The following DOT1L variants were observed in gnomAD, a reference collection of about 807,000 sequenced individuals.
The protein encoded by DOT1L is DOT1 like histone lysine methyltransferase, also known as histone-lysine N-methyltransferase, H3 lysine-79 specific.
A neutral mutation model predicts 153.3 loss-of-function variants in DOT1L; 33 were observed. The observed-to-expected ratio is 0.22, with a 90% CI of 0.16 to 0.29. The LOEUF (loss-of-function observed/expected upper bound fraction) is 0.29, where lower values mean the gene tolerates loss of function less well. Ranked by LOEUF, DOT1L falls within the 10% of genes least tolerant of loss-of-function variation. DOT1L has a pLI of 1.00. For synonymous variants in DOT1L, 1,135 were observed against 965.1 expected, an observed-to-expected ratio of 1.18 and a Z score of -3.26; for missense variants, 1,847 against 2,119.9, an observed-to-expected ratio of 0.87 and a Z score of 2.53.
intron 24 of DOT1L, 99 bp from the exon 25 acceptor site, chr19:2,223,182 C>A: frequency 7.4e-7 from 1 of 1,349,740 alleles, no homozygotes; most frequent in Non-Finnish European, 1.0e-6. Context: ...CTCAGGAGAC[C>A]CTGGGGTGCA....
In DOT1L at chr19:2,194,515, A is replaced by G. The variant is rs1218275111; in HGVS notation, c.589A>G (p.Thr197Ala). 1.2e-6 allele frequency: 2 copies of G among 1,613,786 alleles called. No individual in the cohort carries two copies. Among genetic ancestry groups the G allele is most frequent in the African/African-American group, 2.7e-5 (2 of 74,902 alleles). The change falls in exon 7 of 28, where the codon ACC becomes GCC. Residue 197 changes from threonine (T) to alanine (A), a missense_variant and splice_region_variant. Physicochemically the swap from Thr to Ala is moderately conservative, Grantham distance 58. Transcript: ENST00000398665. ...GGGCGTTTGGTTTCTTTCCTTCCAGACCATGGACCGCGAGTTCAGGAAGTG... is the reference window on the plus strand; with the variant it reads ...GGGCGTTTGGTTTCTTTCCTTCCAGGCCATGGACCGCGAGTTCAGGAAGTG... ...KADIPAKYAE[T>A]MDREFRKWMK...
rs941919242 is a variant in DOT1L at position 2,230,170 on chromosome 19, G to A, written c.*378G>A. ...CCACAGCCTGCCCCGGTGCTATCTC[G>A]TCCCCAGGCCCGCGCCTGCCTCCAC... is the stretch of plus-strand genomic sequence containing the variant. On this transcript the variant is annotated 3_prime_UTR_variant, in exon 28 of 28. Coordinates refer to ENST00000398665, the MANE Select transcript of DOT1L (RefSeq NM_032482.3). 19 of 485,492 alleles carry A rather than the reference G, an allele frequency of 3.9e-5. No homozygotes were observed. The highest frequency in any genetic ancestry group is 5.4e-5 in the Non-Finnish European group (15 of 278,066). 30.1% of individuals were successfully genotyped at this position (485,492 alleles called of 1,614,324 possible).
chr19:2,165,790 ACGGAGT>A lies in DOT1L; in HGVS notation c.81+1527_81+1532del, dbSNP rs764142127. Among the ~76,000 whole-genome samples the A allele has an allele frequency of 7.8e-3, 1,147 of 146,118 alleles. 8 individuals are homozygous for A. The highest frequency in any genetic ancestry group is 0.013 in the Non-Finnish European group (882 of 66,924). On this transcript the variant is annotated intron_variant, in intron 1 of 27. Transcript: ENST00000398665. ...TCACATTTTTTTTTTTTTTTTTGAG[ACGGAGT>A]CTCGATCTGTCGCCAAAGCTGGAGT...
chr19:2,187,241 C>T (rs563359538), intron 3 of DOT1L, among the ~76,000 whole-genome samples: 11 of 152,238 alleles, frequency 7.2e-5, no homozygotes, highest in East Asian at 3.8e-4. Flanking sequence ...TGGGTGTTGT[C>T]GGGCTGAGCC....
At chr19:2,187,923 G>GC (rs2022608577) in intron 3 of DOT1L, among the ~76,000 whole-genome samples, 2 of 130,952 alleles carry the variant, frequency 1.5e-5, no homozygotes, top group South Asian at 4.9e-4. Context: ...CTCCATCTCA[G>GC]AAAAAAAAAA....
In DOT1L at chr19:2,164,197, C is replaced by A; in HGVS notation, c.13C>A (p.Leu5Met). 1 of 1,263,048 alleles carries A rather than the reference C, an allele frequency of 7.9e-7. No individual in the cohort carries two copies. 78.2% of individuals were successfully genotyped at this position (1,263,048 alleles called of 1,614,324 possible). The change falls in exon 1 of 28, where the codon CTG becomes ATG. Residue 5 changes from leucine to methionine, a missense_variant. Around this residue, in one of 8 missense-constraint regions of DOT1L, gnomAD observed 37 missense variants for 31.0 expected, o/e 1.19. Transcript: ENST00000398665. Reference sequence around the variant, plus strand: ...CGCGCGCGCGGACATGGGGGAGAAGCTGGAGCTGAGACTGAAGTCGCCCGT... The same window carrying A: ...CGCGCGCGCGGACATGGGGGAGAAGATGGAGCTGAGACTGAAGTCGCCCGT... MGEK[L>M]ELRLKSPVGA...
Position 2,193,545 on chromosome 19 carries a change from G to T in DOT1L, c.494-144G>T. 1.5e-6 allele frequency: 1 copy of T among 672,694 alleles called. No individual in the cohort carries two copies. The highest frequency in any genetic ancestry group is 2.7e-5 in the East Asian group (1 of 36,452). The allele number at this position is 672,694 out of a possible 1,614,324, so 41.7% of individuals were successfully genotyped here. ...CTGGGAAGGATCCTGAGTGACCTTG[G>T]AGCATCGGATATGTGTGGAGACTGT... On this transcript the variant is annotated intron_variant, in intron 5 of 27. Transcript: ENST00000398665. This position sits in a 1 kb window ranked among gnomAD's most constrained non-coding sequence, Gnocchi z 5.9.
rs755343633 is a variant in DOT1L, at chr19:2,226,918, G to A, written c.4397G>A (p.Gly1466Asp). 2 of 1,580,180 alleles carry A rather than the reference G, an allele frequency of 1.3e-6. No individual in the cohort carries two copies. Among genetic ancestry groups the A allele is most frequent in the Admixed American group, 3.5e-5 (2 of 57,514 alleles). The change falls in exon 27 of 28, where the codon GGC (glycine) becomes GAC (aspartate). Residue 1466 changes from glycine to aspartate, a missense_variant. Gly to Asp is a moderately conservative substitution (Grantham distance 94). Around this residue, in one of 8 missense-constraint regions of DOT1L, gnomAD observed 934 missense variants for 825.3 expected, o/e 1.13. Transcript: ENST00000398665. Reference protein sequence around the residue: ...SSAQTHRSFLGPFPPGPQFAL... With the variant: ...SSAQTHRSFLDPFPPGPQFAL... ...GCCCAGACGCACCGGTCCTTCCTGGGCCCCTTCCCGCCGGGACCGCAGTTC... is the reference window on the plus strand; with the variant it reads ...GCCCAGACGCACCGGTCCTTCCTGGACCCCTTCCCGCCGGGACCGCAGTTC...
In DOT1L at chr19:2,179,668, G is replaced by A. The variant is rs369678273; in HGVS notation, c.82-1045G>A. ...ACCAAAAATACAAAGTTAGCCAGGC[G>A]TGGTGGCTCATGCCAGTAATCCCAG... On this transcript the variant is annotated intron_variant, in intron 1 of 27. Transcript: ENST00000398665. Among the ~76,000 whole-genome samples, 43 of 152,232 alleles carry A rather than the reference G, an allele frequency of 2.8e-4. 1 individual carries two copies. In the East Asian group the frequency reaches 6.6e-3, roughly 23 times the overall value.
At chr19:2,179,077 G>T (rs1356797564) in intron 1 of DOT1L, among the ~76,000 whole-genome samples, 1 of 152,046 alleles carries the variant, frequency 6.6e-6, no homozygotes, top group Non-Finnish European at 1.5e-5. Flanking sequence ...GAAAGCTGGG[G>T]GGGGGTCTCC....
intron 18 of DOT1L, 69 bp from the exon 19 acceptor site, chr19:2,214,402 C>A (rs2144854818): frequency 6.3e-7 from 1 of 1,580,394 alleles, no homozygotes; most frequent in Non-Finnish European, 8.6e-7. Flanking sequence ...GGGAACCCTG[C>A]CCTGAGAGTG....
rs377512955 is a variant in DOT1L at position 2,223,365 on chromosome 19, G to C, written c.3475G>C (p.Asp1159His). The C allele has an allele frequency of 1.5e-4, 241 of 1,613,632 alleles. No homozygotes were observed. Among genetic ancestry groups the C allele is most frequent in the Non-Finnish European group, 2.0e-4 (231 of 1,179,976 alleles). The change falls in exon 25 of 28, where the codon GAC becomes CAC. Residue 1159 changes from aspartate to histidine, a missense_variant. This residue lies in a region of DOT1L where 934 missense variants were observed against 825.3 expected (regional missense o/e 1.13). Coordinates refer to ENST00000398665, the MANE Select transcript of DOT1L (RefSeq NM_032482.3). ...SLKSSPVPYQDHDQPPVLKKE... is the reference protein window; with the variant it reads ...SLKSSPVPYQHHDQPPVLKKE... ...GAAGAGCTCCCCTGTGCCCTACCAG[G>C]ACCACGACCAGCCCCCCGTGCTCAA...
At position 2,222,403 on chromosome 19, in the gene DOT1L, C is replaced by T. The variant is rs767241399; in HGVS notation, c.3234C>T (p.Ser1078=). The T allele has an allele frequency of 1.8e-5, 29 of 1,611,006 alleles. No individual in the cohort carries two copies. In the African/African-American group the frequency reaches 3.2e-4, roughly 18 times the overall value. ...GCGCCCGTGGGGACTGTGTGCCGAG[C>T]CACGGGCAGGACAGTCGCAGGCGCG... The part of the protein sequence containing the change: ...TASARGDCVP[S]HGQDSRRRGR... Residue 1078 remains serine (S), a synonymous_variant, in exon 24 of 28, where the codon AGC becomes AGT. Transcript: ENST00000398665. The surrounding 1 kb of genome is among the most constrained non-coding windows in gnomAD (Gnocchi z 6.5).
chr19:2,191,303 C>A lies in DOT1L; in HGVS notation c.493+63C>A. ...CCAGGCCACACGCTCTGTGCCTGCC[C>A]CATGCCTGCTTGGAGAAGAGTTTAT... On this transcript the variant is annotated intron_variant, in intron 5 of 27. Coordinates refer to ENST00000398665, the MANE Select transcript of DOT1L (RefSeq NM_032482.3). This position sits in a 1 kb window ranked among gnomAD's most constrained non-coding sequence, Gnocchi z 6.8. The A allele has an allele frequency of 6.6e-7, 1 of 1,514,116 alleles. No homozygotes were observed. The highest frequency in any genetic ancestry group is 9.1e-7 in the Non-Finnish European group (1 of 1,093,822). 93.8% of individuals were successfully genotyped at this position (1,514,116 alleles called of 1,614,324 possible).
intron 1 of DOT1L, among the ~76,000 whole-genome samples, chr19:2,179,723 C>T (rs1043370441): frequency 1.3e-5 from 2 of 152,158 alleles, no homozygotes; most frequent in Non-Finnish European, 2.9e-5. Context: ...AGGAGAATCC[C>T]TTGAACCTGG....
At chr19:2,200,123 A>T (rs1003823722) in intron 8 of DOT1L, among the ~76,000 whole-genome samples, 184 bp downstream of exon 8, 40 of 151,984 alleles carry the variant, frequency 2.6e-4, no homozygotes, top group African/African-American at 8.2e-4. Flanking sequence ...CGCGCAGAGC[A>T]GACGTGCCCA....
At chr19:2,201,531 A>G (rs2023281692) in intron 8 of DOT1L, among the ~76,000 whole-genome samples, 1 of 152,082 alleles carries the variant, frequency 6.6e-6, no homozygotes, top group Non-Finnish European at 1.5e-5. Context: ...TTCTTTTCCC[A>G]AAAGTTTCCT....
intron 3 of DOT1L, among the ~76,000 whole-genome samples, chr19:2,187,267 G>A (rs865805249): frequency 6.6e-6 from 1 of 152,236 alleles, no homozygotes; most frequent in Non-Finnish European, 1.5e-5. Flanking sequence ...ACATTAACCT[G>A]GGGCAGTTAT....
chr19:2,218,996 C>T lies in DOT1L; in HGVS notation c.2691+1078C>T, dbSNP rs150258976. Among the ~76,000 whole-genome samples the T allele has an allele frequency of 8.3e-4, 127 of 152,328 alleles. 2 individuals are homozygous for T. The East Asian group carries it at 0.022, about 26-fold the overall frequency. Reference sequence around the variant, plus strand: ...AAGCAGTTCTCCTGCCTCAGCCTCCCGAGTAGCTGGGATTACAGGCATGCA... The same window carrying T: ...AAGCAGTTCTCCTGCCTCAGCCTCCTGAGTAGCTGGGATTACAGGCATGCA... On this transcript the variant is annotated intron_variant, in intron 22 of 27. Transcript: ENST00000398665.
Sources: allele counts gnomAD v4.1 joint callset (sites outside exome capture counted in the v4.1 genomes callset), GRCh38; gene constraint gnomAD v4.1.1; regional missense constraint gnomAD v4.1.1; non-coding constraint Gnocchi (gnomAD v3.1); transcripts MANE v1.5; gene names NCBI Gene and HGNC (gene_info 2026-07-23, HGNC 2026-07-21).